GALNTL6: variants seen among roughly 807,000 people sequenced by gnomAD.
GALNTL6 encodes polypeptide N-acetylgalactosaminyltransferase-like 6.
A neutral mutation model predicts 73.7 loss-of-function variants in GALNTL6; 46 were observed. The ratio of observed to expected loss-of-function variants is 0.62; its 90% CI spans 0.49 to 0.80. The LOEUF is 0.80. Ranked by LOEUF, GALNTL6 falls within the 30% of genes least tolerant of loss-of-function variation. The probability of loss-of-function intolerance (pLI) is 0.00; values close to 1 mark genes in which losing one functional copy is unlikely to be tolerated. For missense variants in GALNTL6, 604 were observed against 755.0 expected (o/e 0.80, Z 2.34); for synonymous variants, 259 against 263.7 (o/e 0.98, Z 0.17).
chr4:172,060,423 A>G (rs992042968), intron 2 of GALNTL6, among the ~76,000 whole-genome samples: 33 of 152,324 alleles, frequency 2.2e-4, no homozygotes, highest in African/African-American at 7.9e-4. Flanking sequence ...ATAATTGTAT[A>G]CTTTAATTGC....
chr4:172,177,791 A>ATATATATACACACACATATATGTGTGTG (rs774782372), intron 2 of GALNTL6, among the ~76,000 whole-genome samples: 27,561 of 99,160 alleles, frequency 0.28, 6,531 homozygotes, highest in East Asian at 0.6. Flanking sequence ...ACACATGTGT[A>ATATATATACACACACATATATGTGTGTG]TATATATACA....
At chr4:171,818,237 T>C (rs1310810096) in intron 2 of GALNTL6, among the ~76,000 whole-genome samples, 1 of 151,798 alleles carries the variant, frequency 6.6e-6, no homozygotes, top group African/African-American at 2.4e-5. Flanking sequence ...TAATACTATA[T>C]TTTAGAACAA....
chr4:172,280,244 C>T (rs193123705), intron 3 of GALNTL6, among the ~76,000 whole-genome samples: 1 of 152,020 alleles, frequency 6.6e-6, no homozygotes, highest in Admixed American at 6.6e-5. Flanking sequence ...TGTATTTTAC[C>T]ACAAGTAATT....
At chr4:172,909,318 A>C (rs1457325225) in intron 8 of GALNTL6, among the ~76,000 whole-genome samples, 1 of 150,544 alleles carries the variant, frequency 6.6e-6, no homozygotes, top group Non-Finnish European at 1.5e-5. Flanking sequence ...AAAAAAAAAA[A>C]AAAACTAGAA....
intron 2 of GALNTL6, among the ~76,000 whole-genome samples, chr4:172,134,372 G>A (rs928832230): frequency 1.1e-4 from 16 of 143,600 alleles, no homozygotes; most frequent in Admixed American, 8.7e-4. Context: ...GCAACAGAGC[G>A]AGACTCCTCT....
intron 7 of GALNTL6, among the ~76,000 whole-genome samples, chr4:172,822,152 T>C (rs1741968230): frequency 1.3e-5 from 2 of 152,170 alleles, no homozygotes; most frequent in South Asian, 4.1e-4. Flanking sequence ...ATAAAATTAA[T>C]CCTTAAATTA....
At chr4:172,434,503 G>T (rs1731566181) in intron 5 of GALNTL6, among the ~76,000 whole-genome samples, 1 of 152,106 alleles carries the variant, frequency 6.6e-6, no homozygotes, top group African/African-American at 2.4e-5. Flanking sequence ...GGGTATGCTT[G>T]AAAAACTAAG....
chr4:172,750,049 G>A (rs1737339577), intron 5 of GALNTL6, among the ~76,000 whole-genome samples: 1 of 152,056 alleles, frequency 6.6e-6, no homozygotes, highest in African/African-American at 2.4e-5. Flanking sequence ...TGATTCTTGT[G>A]CATTTTGATA....
intron 5 of GALNTL6, among the ~76,000 whole-genome samples, chr4:172,709,144 G>T (rs1050894800): frequency 2.6e-5 from 4 of 152,124 alleles, no homozygotes; most frequent in Non-Finnish European, 4.4e-5. Flanking sequence ...TCACATGCAG[G>T]TTTTCTCTCC....
At chr4:172,239,561 ATTT>A (rs1221392023) in intron 3 of GALNTL6, among the ~76,000 whole-genome samples, 1 of 150,404 alleles carries the variant, frequency 6.6e-6, no homozygotes, top group African/African-American at 2.4e-5. Flanking sequence ...GATGTTTTGT[ATTT>A]TTTTTATGTC....
chr4:172,883,786 A>AC (rs1745577644), intron 8 of GALNTL6, among the ~76,000 whole-genome samples: 1 of 136,862 alleles, frequency 7.3e-6, no homozygotes, highest in Non-Finnish European at 1.6e-5. Flanking sequence ...CCGCCTCCCC[A>AC]CCCCCACTCC....
intron 5 of GALNTL6, among the ~76,000 whole-genome samples, chr4:172,372,753 T>C (rs571336624): frequency 6.6e-6 from 1 of 152,166 alleles, no homozygotes; most frequent in Non-Finnish European, 1.5e-5. Flanking sequence ...GAGTATTTGC[T>C]CTCTGGGTCT....
At chr4:171,955,169 T>TTG (rs1277200472) in intron 2 of GALNTL6, among the ~76,000 whole-genome samples, 7 of 152,052 alleles carry the variant, frequency 4.6e-5, no homozygotes, top group African/African-American at 1.4e-4. Context: ...AGTTCACAAT[T>TTG]TGAGTGATTT....
intron 3 of GALNTL6, among the ~76,000 whole-genome samples, chr4:172,289,221 AT>A (rs1207583796): frequency 6.6e-6 from 1 of 152,198 alleles, no homozygotes; most frequent in Non-Finnish European, 1.5e-5. Flanking sequence ...CTGGAGAAAA[AT>A]TAAGACATTT....
intron 5 of GALNTL6, among the ~76,000 whole-genome samples, chr4:172,424,421 G>A (rs1025052446): frequency 6.6e-6 from 1 of 151,970 alleles, no homozygotes; most frequent in East Asian, 1.9e-4. Flanking sequence ...GCCAAATTGT[G>A]GCATGTTAAT....
chr4:172,586,745 T>G (rs1737426357), intron 5 of GALNTL6, among the ~76,000 whole-genome samples: 1 of 152,222 alleles, frequency 6.6e-6, no homozygotes, highest in Non-Finnish European at 1.5e-5. Context: ...TTATAGTATT[T>G]GCTGTTCTGC....
chr4:172,282,075 A>C (rs1218794239), intron 3 of GALNTL6, among the ~76,000 whole-genome samples: 3 of 152,234 alleles, frequency 2.0e-5, no homozygotes, highest in Non-Finnish European at 4.4e-5. Flanking sequence ...ATATAATTAA[A>C]GCTTCTGTTC....
rs1361566886 is a variant in GALNTL6 at position 171,922,334 on chromosome 4, T to C, written c.138+107616T>C. ...ATTACAGCTAACTTTGTGACAAACA[T>C]ATGGTATATTTTTATAAAAATAATT... On this transcript the variant is annotated intron_variant, in intron 2 of 12. Transcript: ENST00000506823. 2.0e-5 allele frequency among the ~76,000 whole-genome samples: 3 copies of C among 152,098 alleles called. No individual in the cohort carries two copies. The East Asian group carries it at 5.8e-4, about 29-fold the overall frequency.
intron 2 of GALNTL6, among the ~76,000 whole-genome samples, chr4:171,986,849 C>A (rs1305584298): frequency 7.2e-5 from 11 of 152,272 alleles, no homozygotes; most frequent in Admixed American, 7.2e-4. Flanking sequence ...CATAGTCCTG[C>A]CAGCAGAGAT....
Sources: gnomAD v4.1 joint callset for allele counts (sites outside exome capture counted in the v4.1 genomes callset) on GRCh38, gnomAD v4.1.1 for gene constraint, MANE v1.5 for transcripts, NCBI Gene and HGNC (gene_info 2026-07-23, HGNC 2026-07-21) for gene names.